HADH: variants seen among roughly 807,000 people sequenced by gnomAD.
HADH encodes hydroxyacyl-coenzyme A dehydrogenase, mitochondrial.
HADH carries 24 observed loss-of-function variants against 32.2 expected under a neutral mutation model. The ratio of observed to expected loss-of-function variants is 0.75; its 90% confidence interval spans 0.54 to 1.05. The LOEUF (loss-of-function observed/expected upper bound fraction) is 1.05, where lower values mean the gene tolerates loss of function less well. HADH is among the 50% of genes least tolerant of loss of function. The probability of loss-of-function intolerance (pLI) is 0.00; values close to 1 mark genes in which losing one functional copy is unlikely to be tolerated. For missense variants in HADH, 350 were observed against 397.1 expected, an observed-to-expected ratio of 0.88 and a Z score of 1.01; for synonymous variants, 139 against 152.5, an observed-to-expected ratio of 0.91 and a Z score of 0.65.
At chr4:108,027,973 GT>G in intron 6 of HADH, 1 of 609,888 alleles carries the variant, frequency 1.6e-6, no homozygotes, top group South Asian at 1.9e-5. Flanking sequence ...TCTGAGAAAG[GT>G]TTCTGGAACT....
At chr4:108,014,300 T>G in intron 2 of HADH, 131 bp from the exon 3 acceptor site, 1 of 942,466 alleles carries the variant, frequency 1.1e-6, no homozygotes, top group East Asian at 2.4e-5. Context: ...GTGGACACTT[T>G]GAGAACAGAT....
At chr4:108,015,137 A>C (rs1578255476) in intron 3 of HADH, among the ~76,000 whole-genome samples, 2 of 152,226 alleles carry the variant, frequency 1.3e-5, no homozygotes, top group South Asian at 4.2e-4. Context: ...TTTCCTTTGA[A>C]TATATACCCA....
chr4:108,027,575 G>T, intron 5 of HADH, 113 bp from the exon 6 acceptor site: 1 of 773,458 alleles, frequency 1.3e-6, no homozygotes, highest in Non-Finnish European at 2.4e-6. Flanking sequence ...TGTACAGCTT[G>T]ATAAATGGGG....
chr4:108,019,406 C>T, intron 3 of HADH, 134 bp from the exon 4 acceptor site: 4 of 788,534 alleles, frequency 5.1e-6, no homozygotes, highest in Non-Finnish European at 9.1e-6. Flanking sequence ...GATGTGTCTT[C>T]TCCCTCATTC....
intron 2 of HADH, among the ~76,000 whole-genome samples, chr4:108,010,414 G>T (rs532940284): frequency 0.054 from 2,468 of 45,336 alleles, 22 homozygotes; most frequent in Non-Finnish European, 0.097. Context: ...GTGACTAAGG[G>T]CCATGCTGTT....
Position 108,011,849 on chromosome 4 carries a change from C to A in HADH, c.261+1962C>A, listed in dbSNP as rs374375862. 5.9e-5 allele frequency among the ~76,000 whole-genome samples: 9 copies of A among 152,034 alleles called. No homozygotes were observed. In the East Asian group the frequency reaches 1.5e-3, roughly 26 times the overall value. ...TGTTTTGTTTTGTTTCTTATTGTAG[C>A]CATCTTAGGTGTGAAGTAGTATCTC... On this transcript the variant is annotated intron_variant, in intron 2 of 7. Transcript: ENST00000309522.
At chr4:108,016,630 G>A (rs556905915) in intron 3 of HADH, among the ~76,000 whole-genome samples, 1 of 152,320 alleles carries the variant, frequency 6.6e-6, no homozygotes, top group African/African-American at 2.4e-5. Flanking sequence ...GACAGTGAAA[G>A]GCCTGACTGC....
rs747249811 is a variant in HADH, at chr4:108,034,372, G to A, written c.*15G>A. 22 of 1,475,866 alleles carry A rather than the reference G, an allele frequency of 1.5e-5. No homozygotes were observed. The highest frequency in any genetic ancestry group is 1.9e-5 in the Non-Finnish European group (20 of 1,054,022). 91.4% of individuals were successfully genotyped at this position (1,475,866 alleles called of 1,614,324 possible). ...AATACAAGTGATGTGCAGCTTCTCC[G>A]GCTCTGAGAAGAACACCTGAGAGCG... On this transcript the variant is annotated 3_prime_UTR_variant, in exon 8 of 8. Transcript: ENST00000309522.
chr4:108,003,542 CTT>C (rs746033881), intron 1 of HADH, among the ~76,000 whole-genome samples: 10 of 152,112 alleles, frequency 6.6e-5, no homozygotes, highest in Non-Finnish European at 1.2e-4. Context: ...AATTTAAAGA[CTT>C]TGGTGGTAAA....
In HADH at chr4:108,014,462, G is replaced by C. The variant is rs568830015; in HGVS notation, c.293G>C (p.Ser98Thr). 1.2e-6 allele frequency: 2 copies of C among 1,614,002 alleles called. No homozygotes were observed. Among genetic ancestry groups the C allele is most frequent in the Non-Finnish European group, 1.7e-6 (2 of 1,180,040 alleles). ...AGDEFVEKTL[S>T]TIATSTDAAS... ...GATGAATTTGTGGAGAAGACCCTGA[G>C]CACCATAGCGACCAGCACGGATGCA... Residue 98 changes from serine to threonine, a missense_variant, in exon 3 of 8, where the codon AGC becomes ACC. Transcript: ENST00000309522.
intron 7 of HADH, 121 bp downstream of exon 7, chr4:108,033,413 A>C (rs757779846): frequency 4.9e-4 from 356 of 723,588 alleles, no homozygotes; most frequent in Non-Finnish European, 7.5e-4. Context: ...ATCCTGCCTC[A>C]CCAGGTTGAG....
chr4:108,021,569 GCAGCGTATCTGTA>G (rs1447364602), intron 4 of HADH, among the ~76,000 whole-genome samples: 1 of 152,128 alleles, frequency 6.6e-6, no homozygotes, highest in Non-Finnish European at 1.5e-5. Flanking sequence ...GGAACTAGGA[GCAGCGTATCTGTA>G]CAAATTACTG....
At chr4:107,995,918 A>G (rs961164852) in intron 1 of HADH, among the ~76,000 whole-genome samples, 1 of 152,144 alleles carries the variant, frequency 6.6e-6, no homozygotes, top group Admixed American at 6.5e-5. Flanking sequence ...CTGGTCGTCT[A>G]CATCAGGGTG....
intron 6 of HADH, 69 bp from the exon 7 acceptor site, chr4:108,033,107 G>A (rs951578997): frequency 1.2e-6 from 1 of 817,754 alleles, no homozygotes; most frequent in African/African-American, 1.7e-5. Context: ...GTAATTCTGG[G>A]GCTAATCCTG....
chr4:107,990,132 G>C (rs369131859), intron 1 of HADH, 68 bp downstream of exon 1: 1 of 1,512,914 alleles, frequency 6.6e-7, no homozygotes, highest in South Asian at 1.2e-5. Context: ...GCTCTGGCGC[G>C]ACCGGCCGCG....
chr4:107,999,932 A>G (rs1047457840), intron 1 of HADH, among the ~76,000 whole-genome samples: 2 of 152,228 alleles, frequency 1.3e-5, no homozygotes, highest in African/African-American at 4.8e-5. Flanking sequence ...GTGTATATAT[A>G]TCTTATGCTA....
Position 108,028,520 on chromosome 4 carries a change from T to C in HADH, c.709+760T>C, listed in dbSNP as rs17619054. 3.3e-3 allele frequency: 730 copies of C among 222,806 alleles called. 30 individuals carry two copies. In the East Asian group the frequency reaches 0.059, roughly 18 times the overall value. The allele number at this position is 222,806 out of a possible 1,614,324, so 13.8% of individuals were successfully genotyped here. ...ATGCTCACTCCTGAGAGTGTCATTT[T>C]TTAAACAAAACATTTACACCAGCTC... On this transcript the variant is annotated intron_variant, in intron 6 of 7. Coordinates refer to ENST00000309522, the MANE Select transcript of HADH (RefSeq NM_005327.7).
intron 2 of HADH, among the ~76,000 whole-genome samples, chr4:108,013,739 C>T (rs1008648060): frequency 6.6e-6 from 1 of 151,992 alleles, no homozygotes; most frequent in Non-Finnish European, 1.5e-5. Flanking sequence ...TAAAACATCT[C>T]AATATTTTTA....
intron 2 of HADH, among the ~76,000 whole-genome samples, chr4:108,010,599 TTTG>T (rs1407363879): frequency 6.6e-6 from 1 of 152,240 alleles, no homozygotes; most frequent in Non-Finnish European, 1.5e-5. Flanking sequence ...ACATAAGGCA[TTTG>T]TTGTTTCTCA....
Sources: gnomAD v4.1 joint callset for allele counts (sites outside exome capture counted in the v4.1 genomes callset) on GRCh38, gnomAD v4.1.1 for gene constraint, MANE v1.5 for transcripts, NCBI Gene and HGNC (gene_info 2026-07-23, HGNC 2026-07-21) for gene names.